Variants in RALA observed in about 807,000 individuals in gnomAD.
RALA encodes ras-related protein Ral-A.
In RALA, 5 loss-of-function variants were observed where a neutral mutation model predicts 24.0. The ratio of observed to expected loss-of-function variants is 0.21; its 90% CI spans 0.11 to 0.44. The LOEUF is 0.44. Among genes scored for constraint, RALA ranks in the 20% least tolerant of loss-of-function variants. The pLI, the probability that RALA is intolerant of heterozygous loss-of-function variation, is 0.99. For synonymous variants in RALA, 77 were observed against 83.8 expected (o/e 0.92, Z 0.44); for missense variants, 95 against 241.2 (o/e 0.39, Z 4.01).
chr7:39,647,660 T>G (rs1029823968), intron 1 of RALA, among the ~76,000 whole-genome samples: 1 of 152,084 alleles, frequency 6.6e-6, no homozygotes, highest in Non-Finnish European at 1.5e-5. Context: ...AGGAGGTAAT[T>G]AGGTCATGAG....
At chr7:39,650,276 G>T (rs922126859) in intron 1 of RALA, among the ~76,000 whole-genome samples, 3 of 152,122 alleles carry the variant, frequency 2.0e-5, no homozygotes, top group Admixed American at 1.3e-4. Context: ...AATTCAGCCT[G>T]CTGCCTGTTT....
At chr7:39,657,492 T>G (rs1436232055) in intron 1 of RALA, among the ~76,000 whole-genome samples, 3 of 152,230 alleles carry the variant, frequency 2.0e-5, no homozygotes, top group Admixed American at 6.5e-5. Context: ...AGAAATAGAC[T>G]AGTATACTGA....
chr7:39,657,885 C>G (rs1792122549), intron 1 of RALA, among the ~76,000 whole-genome samples: 4 of 152,332 alleles, frequency 2.6e-5, no homozygotes, highest in African/African-American at 9.6e-5. Flanking sequence ...TTTTAAAAGA[C>G]TGGAGGTTTA....
chr7:39,626,852 T>C (rs891441036), intron 1 of RALA, among the ~76,000 whole-genome samples: 1 of 152,182 alleles, frequency 6.6e-6, no homozygotes, highest in Non-Finnish European at 1.5e-5. Context: ...GTAGAAAGAA[T>C]GGTAAAAGAA....
At chr7:39,636,750 C>T (rs1161443681) in intron 1 of RALA, among the ~76,000 whole-genome samples, 2 of 152,150 alleles carry the variant, frequency 1.3e-5, no homozygotes, top group Admixed American at 1.3e-4. Flanking sequence ...GCAAACTTAA[C>T]AAGAATCATG....
At chr7:39,640,947 G>A (rs879405319) in intron 1 of RALA, among the ~76,000 whole-genome samples, 3 of 152,152 alleles carry the variant, frequency 2.0e-5, no homozygotes, top group Non-Finnish European at 4.4e-5. Flanking sequence ...TTCTCTTCAT[G>A]TGGTCAGGAA....
rs1201926185 is a variant in RALA at position 39,635,651 on chromosome 7, A to G, written c.-38+11826A>G. The stretch of plus-strand genomic sequence containing the variant: ...AAATGGGGAGGAGGATGGCGTTGGG[A>G]TGAAACTGTTCCACTTCAAATCATC... On this transcript the variant is annotated intron_variant, in intron 1 of 4. Coordinates refer to ENST00000005257, the MANE Select transcript of RALA (RefSeq NM_005402.4). Among the ~76,000 whole-genome samples, 7 of 152,148 alleles carry G rather than the reference A, an allele frequency of 4.6e-5. No homozygotes were observed. The South Asian group carries it at 1.2e-3, about 27-fold the overall frequency.
intron 1 of RALA, among the ~76,000 whole-genome samples, chr7:39,641,267 T>C (rs909148317): frequency 2.6e-5 from 4 of 152,264 alleles, no homozygotes; most frequent in African/African-American, 9.6e-5. Flanking sequence ...TGGACTATTT[T>C]TGAAAACTCA....
chr7:39,665,045 G>A (rs1792258604), intron 1 of RALA, among the ~76,000 whole-genome samples: 1 of 152,162 alleles, frequency 6.6e-6, no homozygotes, highest in South Asian at 2.1e-4. Flanking sequence ...AAGAAGGATT[G>A]GTACCACATA....
At chr7:39,645,779 C>T (rs923351315) in intron 1 of RALA, among the ~76,000 whole-genome samples, 10 of 152,002 alleles carry the variant, frequency 6.6e-5, no homozygotes, top group Non-Finnish European at 1.5e-4. Flanking sequence ...AATTTGATAA[C>T]GGAGATGCAT....
intron 1 of RALA, among the ~76,000 whole-genome samples, chr7:39,638,733 A>T (rs1053029103): frequency 1.3e-5 from 2 of 152,252 alleles, no homozygotes; most frequent in African/African-American, 4.8e-5. Flanking sequence ...GGCATGAGCC[A>T]CTGTGCCCAG....
At chr7:39,647,787 G>A (rs140461766) in intron 1 of RALA, among the ~76,000 whole-genome samples, 1 of 152,260 alleles carries the variant, frequency 6.6e-6, no homozygotes, top group Non-Finnish European at 1.5e-5. Flanking sequence ...GAGGAAATGG[G>A]TCCTCACCAG....
chr7:39,625,602 A>C (rs1390406351), intron 1 of RALA, among the ~76,000 whole-genome samples: 1 of 152,188 alleles, frequency 6.6e-6, no homozygotes, highest in Non-Finnish European at 1.5e-5. Flanking sequence ...TTTATTTTCC[A>C]AGATCCAGAT....
chr7:39,660,680 C>T (rs1052591140), intron 1 of RALA, among the ~76,000 whole-genome samples: 16 of 152,084 alleles, frequency 1.1e-4, no homozygotes, highest in African/African-American at 3.9e-4. Context: ...CAATAGTTTA[C>T]TTACGCAGAT....
chr7:39,648,655 A>G (rs1791969587), intron 1 of RALA, among the ~76,000 whole-genome samples: 2 of 152,166 alleles, frequency 1.3e-5, no homozygotes, highest in South Asian at 4.1e-4. Flanking sequence ...TAGACCTCAT[A>G]AGGCTTTTAT....
intron 1 of RALA, among the ~76,000 whole-genome samples, chr7:39,660,857 T>C (rs991296034): frequency 1.3e-5 from 2 of 152,204 alleles, no homozygotes; most frequent in South Asian, 4.1e-4. Flanking sequence ...TACACAAATC[T>C]TATAAAAAGT....
intron 1 of RALA, among the ~76,000 whole-genome samples, chr7:39,662,949 G>C (rs1792218618): frequency 6.6e-6 from 1 of 152,214 alleles, no homozygotes; most frequent in African/African-American, 2.4e-5. Context: ...AGTTTCCTGT[G>C]GCTGGAAAGG....
intron 3 of RALA, among the ~76,000 whole-genome samples, chr7:39,692,393 T>G (rs895284440): frequency 6.6e-6 from 1 of 152,208 alleles, no homozygotes; most frequent in Admixed American, 6.5e-5. Context: ...TTAGTAAACA[T>G]TTGTCTTGAT....
chr7:39,624,446 T>C (rs1290705580), intron 1 of RALA: 1 of 152,188 alleles, frequency 6.6e-6, no homozygotes, highest in Non-Finnish European at 1.5e-5. Context: ...GCTTCTAATA[T>C]GAGGAAGAGA....
Sources: gnomAD v4.1 joint callset for allele counts (sites outside exome capture counted in the v4.1 genomes callset) on GRCh38, gnomAD v4.1.1 for gene constraint, MANE v1.5 for transcripts, NCBI Gene and HGNC (gene_info 2026-07-23, HGNC 2026-07-21) for gene names.